ANKFN1: variants seen among roughly 807,000 people sequenced by gnomAD.
The protein encoded by ANKFN1 is ankyrin repeat and fibronectin type III domain containing 1.
In ANKFN1, 74 loss-of-function variants were observed where a neutral mutation model predicts 108.7. The observed-to-expected ratio is 0.68, with a 90% CI of 0.56 to 0.83. The LOEUF (loss-of-function observed/expected upper bound fraction) is 0.83. Ranked by LOEUF, ANKFN1 falls within the 40% of genes least tolerant of loss-of-function variation. ANKFN1 has a pLI of 0.00. For missense variants in ANKFN1, 1,505 were observed against 1,382.3 expected (o/e 1.09, Z -1.41); for synonymous variants, 547 against 516.2 (o/e 1.06, Z -0.81).
At chr17:56,130,778 C>T (rs1907236845) in intron 4 of ANKFN1, among the ~76,000 whole-genome samples, 1 of 152,138 alleles carries the variant, frequency 6.6e-6, no homozygotes, top group East Asian at 1.9e-4. Flanking sequence ...TGTATTCAGG[C>T]AGCTGGTGTT....
intron 3 of ANKFN1, among the ~76,000 whole-genome samples, chr17:56,311,122 C>T (rs2045010836): frequency 6.6e-6 from 1 of 150,578 alleles, no homozygotes; most frequent in African/African-American, 2.4e-5. Context: ...TTTAGGGCTA[C>T]ATAATATTTC....
At position 56,085,932 on chromosome 17, in the gene ANKFN1, A is replaced by T. The variant is rs540595391; in HGVS notation, c.288+39607A>T. On this transcript the variant is annotated intron_variant, in intron 4 of 12. Transcript: ENST00000635860. Reference sequence around the variant, plus strand: ...AGTTTGAATTTAAGACACACAAAAAAATTAGTTGTTAGAAGATGCAAAAGA... The same window carrying T: ...AGTTTGAATTTAAGACACACAAAAATATTAGTTGTTAGAAGATGCAAAAGA... 7.0e-4 allele frequency among the ~76,000 whole-genome samples: 106 copies of T among 151,462 alleles called. 1 individual carries two copies. The highest frequency in any genetic ancestry group is 2.4e-3 in the African/African-American group (98 of 41,362).
At chr17:56,382,392 C>A (rs1320929199) in intron 8 of ANKFN1, among the ~76,000 whole-genome samples, 7 of 152,126 alleles carry the variant, frequency 4.6e-5, no homozygotes, top group Non-Finnish European at 8.8e-5. Context: ...ATTGTAAAGA[C>A]CATCGAGGCT....
At chr17:56,059,138 G>T (rs1274120159) in intron 4 of ANKFN1, among the ~76,000 whole-genome samples, 1 of 152,184 alleles carries the variant, frequency 6.6e-6, no homozygotes, top group Admixed American at 6.5e-5. Context: ...TGACTGGCCT[G>T]AGGTGGTATC....
At chr17:56,506,779 G>C (rs2051583560) in intron 20 of ANKFN1, among the ~76,000 whole-genome samples, 1 of 152,018 alleles carries the variant, frequency 6.6e-6, no homozygotes, top group Non-Finnish European at 1.5e-5. Flanking sequence ...TCCACAGAGA[G>C]TCATGGAAAT....
chr17:56,515,283 C>A lies in ANKFN1; in HGVS notation c.*4014C>A, dbSNP rs544074629. The stretch of plus-strand genomic sequence containing the variant: ...TATGTGCTTATTAAGCTATCACATA[C>A]CAATTAGAGAAGGTAGCTGTAGATT... On this transcript the variant is annotated 3_prime_UTR_variant, in exon 21 of 21. Coordinates refer to ENST00000682825, the MANE Select transcript of ANKFN1 (RefSeq NM_001370326.1). Among the ~76,000 whole-genome samples, 1 of 152,148 alleles carries A rather than the reference C, an allele frequency of 6.6e-6. No individual in the cohort carries two copies. Among genetic ancestry groups the A allele is most frequent in the South Asian group, 2.1e-4 (1 of 4,820 alleles).
Position 56,079,674 on chromosome 17 carries a change from T to C in ANKFN1, c.288+33349T>C, listed in dbSNP as rs1905222240. ...AAAGAGAAATGACAAAAAAAGAAGC[T>C]TCCTGCTCTAGGCAGATAAAGAGTT... is the stretch of plus-strand genomic sequence containing the variant. On this transcript the variant is annotated intron_variant, in intron 4 of 12. Transcript: ENST00000635860. 5.3e-5 allele frequency among the ~76,000 whole-genome samples: 8 copies of C among 152,180 alleles called. No individual in the cohort carries two copies. The South Asian group carries it at 1.7e-3, about 32-fold the overall frequency.
At chr17:56,253,355 T>C (rs567828886) in intron 3 of ANKFN1, among the ~76,000 whole-genome samples, 1 of 152,368 alleles carries the variant, frequency 6.6e-6, no homozygotes, top group South Asian at 2.1e-4. Context: ...ATTGCTTCTA[T>C]TAATTCAGCA....
chr17:56,170,485 G>A (rs554054829), intron 1 of ANKFN1, among the ~76,000 whole-genome samples: 7 of 152,084 alleles, frequency 4.6e-5, no homozygotes, highest in Admixed American at 2.0e-4. Flanking sequence ...CTAACAGGTC[G>A]GGTGCAGTGG....
chr17:56,047,082 C>T (rs1904691930), intron 4 of ANKFN1, among the ~76,000 whole-genome samples: 1 of 152,098 alleles, frequency 6.6e-6, no homozygotes, highest in African/African-American at 2.4e-5. Context: ...TGCTGTAAAG[C>T]ACTTTTGCAG....
At chr17:56,503,200 G>C (rs1027116297) in intron 20 of ANKFN1, among the ~76,000 whole-genome samples, 10 of 151,890 alleles carry the variant, frequency 6.6e-5, no homozygotes, top group Non-Finnish European at 1.5e-4. Flanking sequence ...AGAGGGGAGG[G>C]GGGTGTTGTT....
At chr17:56,430,690 T>A (rs2048727008) in intron 8 of ANKFN1, among the ~76,000 whole-genome samples, 2 of 152,122 alleles carry the variant, frequency 1.3e-5, no homozygotes, top group African/African-American at 4.8e-5. Flanking sequence ...TAACATCAAT[T>A]CCAAAAGTAT....
chr17:56,382,188 A>C (rs2047125900), intron 8 of ANKFN1, among the ~76,000 whole-genome samples: 1 of 152,236 alleles, frequency 6.6e-6, no homozygotes, highest in Admixed American at 6.5e-5. Context: ...ACATTCTTAA[A>C]GAAAAGAATT....
chr17:56,213,973 G>A (rs1456707412), intron 2 of ANKFN1, among the ~76,000 whole-genome samples: 2 of 152,182 alleles, frequency 1.3e-5, no homozygotes, highest in Non-Finnish European at 2.9e-5. Context: ...CAGGAAGCAA[G>A]AGAGTAGTAT....
chr17:56,308,137 A>C (rs887763106), intron 3 of ANKFN1, among the ~76,000 whole-genome samples: 2 of 152,258 alleles, frequency 1.3e-5, no homozygotes, highest in East Asian at 3.9e-4. Flanking sequence ...ACCTAATGTT[A>C]AATGACGAGT....
intron 4 of ANKFN1, among the ~76,000 whole-genome samples, chr17:56,090,128 G>C (rs1905385314): frequency 6.6e-6 from 1 of 151,302 alleles, no homozygotes; most frequent in African/African-American, 2.4e-5. Flanking sequence ...GCATGACGAG[G>C]TGGGAGTGGG....
intron 8 of ANKFN1, among the ~76,000 whole-genome samples, chr17:56,424,017 G>T (rs891585332): frequency 6.6e-6 from 1 of 152,136 alleles, no homozygotes; most frequent in Admixed American, 6.5e-5. Flanking sequence ...ACTGAAGGTG[G>T]AGAACCTAAA....
At chr17:56,281,530 A>G (rs1274325907) in intron 3 of ANKFN1, among the ~76,000 whole-genome samples, 1 of 152,206 alleles carries the variant, frequency 6.6e-6, no homozygotes, top group Non-Finnish European at 1.5e-5. Context: ...CTTCATCTAA[A>G]TTAAAAATTA....
intron 8 of ANKFN1, among the ~76,000 whole-genome samples, chr17:56,413,656 C>T (rs151241672): frequency 3.3e-5 from 5 of 152,088 alleles, no homozygotes; most frequent in Admixed American, 2.6e-4. Flanking sequence ...TTATTGAAAG[C>T]CTTTTCTGCA....
Sources: allele counts gnomAD v4.1 joint callset (sites outside exome capture counted in the v4.1 genomes callset), GRCh38; gene constraint gnomAD v4.1.1; transcripts MANE v1.5; gene names NCBI Gene and HGNC (gene_info 2026-07-23, HGNC 2026-07-21).